ERG: variants seen among roughly 807,000 people sequenced by gnomAD.
The protein encoded by ERG is ETS transcription factor ERG.
A neutral mutation model predicts 55.3 loss-of-function variants in ERG; 9 were observed. The ratio of observed to expected loss-of-function variants is 0.16; its 90% CI spans 0.10 to 0.28. ERG has a LOEUF of 0.28. Ranked by LOEUF, ERG falls within the 10% of genes least tolerant of loss-of-function variation. The pLI, the probability that ERG is intolerant of heterozygous loss-of-function variation, is 1.00. For missense variants in ERG, 434 were observed against 631.6 expected, an observed-to-expected ratio of 0.69 and a Z score of 3.35; for synonymous variants, 223 against 237.3, an observed-to-expected ratio of 0.94 and a Z score of 0.55.
chr21:38,493,690 G>A lies in ERG; in HGVS notation c.18+4673C>T, dbSNP rs117665812. On this transcript the variant is annotated intron_variant, in intron 1 of 9. Coordinates refer to ENST00000288319, the MANE Select transcript of ERG (RefSeq NM_182918.4). ...CAGCCTCGGCTCAGAACAGGACGAAGCCAACCCTCTCTGACCAGCACCACC... is the reference window on the plus strand; with the variant it reads ...CAGCCTCGGCTCAGAACAGGACGAAACCAACCCTCTCTGACCAGCACCACC... Among the ~76,000 whole-genome samples, 16 of 152,312 alleles carry A rather than the reference G, an allele frequency of 1.1e-4. No individual in the cohort carries two copies. The East Asian group carries it at 2.9e-3, about 28-fold the overall frequency.
intron 2 of ERG, among the ~76,000 whole-genome samples, chr21:38,443,605 A>G (rs904482485): frequency 6.6e-6 from 1 of 152,208 alleles, no homozygotes. Flanking sequence ...TCAGAAATAT[A>G]TATAGTTAAT....
At chr21:38,454,710 C>G (rs1402974581) in intron 1 of ERG, among the ~76,000 whole-genome samples, 2 of 152,208 alleles carry the variant, frequency 1.3e-5, no homozygotes, top group Non-Finnish European at 2.9e-5. Flanking sequence ...TGTGAACCAT[C>G]AGAATTATCC....
At chr21:38,557,703 T>C (rs2059866740) in intron 2 of ERG, among the ~76,000 whole-genome samples, 1 of 152,142 alleles carries the variant, frequency 6.6e-6, no homozygotes, top group South Asian at 2.1e-4. Flanking sequence ...AAAGATAAAA[T>C]CCTAACCACA....
At chr21:38,418,577 T>G (rs1368926246) in intron 3 of ERG, among the ~76,000 whole-genome samples, 1 of 152,016 alleles carries the variant, frequency 6.6e-6, no homozygotes, top group Non-Finnish European at 1.5e-5. Flanking sequence ...ATGTGTATTT[T>G]TAATCATAAA....
chr21:38,395,591 A>G (rs2146438357), intron 6 of ERG: 1 of 186,200 alleles, frequency 5.4e-6, no homozygotes, highest in East Asian at 8.6e-5. Flanking sequence ...CTGTGTTTAA[A>G]AACTGAGCTT....
intron 3 of ERG, among the ~76,000 whole-genome samples, chr21:38,407,894 GAATA>G: frequency 6.9e-6 from 1 of 145,540 alleles, no homozygotes; most frequent in Admixed American, 6.9e-5. Flanking sequence ...AATATATATA[GAATA>G]TATACTTACA....
chr21:38,592,571 CTGTGTGTGTGTGTGTGTG>C (rs56195027), intron 1 of ERG, among the ~76,000 whole-genome samples: 4 of 147,996 alleles, frequency 2.7e-5, no homozygotes, highest in African/African-American at 7.5e-5. Context: ...TCTCCCTTCA[CTGTGTGTGTGTGTGTGTG>C]TGTGTGTGTG....
At chr21:38,412,802 G>C (rs1308200865) in intron 3 of ERG, among the ~76,000 whole-genome samples, 1 of 152,152 alleles carries the variant, frequency 6.6e-6, no homozygotes, top group Admixed American at 6.5e-5. Context: ...GGTTGGGGGA[G>C]ATCTCTCTTC....
At chr21:38,586,708 C>A (rs1018374348), upstream of ERG, among the ~76,000 whole-genome samples, 1 of 152,138 alleles carries the variant, frequency 6.6e-6, no homozygotes, top group African/African-American at 2.4e-5. Context: ...ATATGTTTTA[C>A]AAATGTACTA....
At chr21:38,468,768 G>A (rs1324133015) in intron 1 of ERG, among the ~76,000 whole-genome samples, 6 of 151,958 alleles carry the variant, frequency 3.9e-5, no homozygotes, top group Admixed American at 1.3e-4. Flanking sequence ...GGCGGATCAC[G>A]AGGTCAGGAG....
At chr21:38,509,134 A>G (rs776248964) in intron 2 of ERG, among the ~76,000 whole-genome samples, 69 of 152,316 alleles carry the variant, frequency 4.5e-4, no homozygotes, top group Admixed American at 2.3e-3. Flanking sequence ...CCCTGGAACC[A>G]TGAGAGATTC....
chr21:38,576,307 C>A (rs2146866133), intron 1 of ERG, among the ~76,000 whole-genome samples: 1 of 152,268 alleles, frequency 6.6e-6, no homozygotes, highest in South Asian at 2.1e-4. Flanking sequence ...AGCTGTCATT[C>A]CCATTGTCCA....
chr21:38,585,518 T>TC (rs1305883970), upstream of ERG, among the ~76,000 whole-genome samples: 2 of 142,434 alleles, frequency 1.4e-5, no homozygotes, highest in East Asian at 2.1e-4. Context: ...CAAAATCCAG[T>TC]CCCTCTCTCT....
intron 2 of ERG, among the ~76,000 whole-genome samples, chr21:38,440,326 G>T (rs73439007): frequency 0.062 from 9,468 of 152,260 alleles, 607 homozygotes; most frequent in African/African-American, 0.15. Flanking sequence ...TCCTCCAGAG[G>T]CAGGCAGCCA....
chr21:38,535,499 T>C (rs1375779512), intron 2 of ERG, among the ~76,000 whole-genome samples: 2 of 152,220 alleles, frequency 1.3e-5, no homozygotes, highest in Non-Finnish European at 2.9e-5. Context: ...AAACCCACTG[T>C]ACATCTTACA....
chr21:38,445,391 G>C lies in ERG; in HGVS notation c.236+13C>G. 6.2e-7 allele frequency: 1 copy of C among 1,604,078 alleles called. No homozygotes were observed. Among genetic ancestry groups the C allele is most frequent in the South Asian group, 1.1e-5 (1 of 90,776 alleles). On this transcript the variant is annotated intron_variant, in intron 2 of 9. Coordinates refer to ENST00000288319, the MANE Select transcript of ERG (RefSeq NM_182918.4). ...GGGAGGTCAGGGAGAGAAAGGGGCG[G>C]AAGTCTCCTTACCTTGAGCCATTCA...
At chr21:38,551,374 C>A (rs534302284) in intron 2 of ERG, among the ~76,000 whole-genome samples, 12 of 151,962 alleles carry the variant, frequency 7.9e-5, no homozygotes, top group Admixed American at 2.0e-4. Flanking sequence ...TTGGTTATTT[C>A]TTTTCTTCTG....
chr21:38,404,389 C>T (rs1284993202), intron 3 of ERG, among the ~76,000 whole-genome samples: 1 of 152,148 alleles, frequency 6.6e-6, no homozygotes, highest in African/African-American at 2.4e-5. Context: ...CACAGCTGGC[C>T]ATGGCGAGCA....
At chr21:38,378,849 A>G (rs368229363), downstream of ERG, among the ~76,000 whole-genome samples, 16 of 152,374 alleles carry the variant, frequency 1.1e-4, no homozygotes, top group African/African-American at 2.6e-4. Context: ...TTTGGAATTA[A>G]CTAGCCCTGG....
Sources: allele counts gnomAD v4.1 joint callset (sites outside exome capture counted in the v4.1 genomes callset), GRCh38; gene constraint gnomAD v4.1.1; transcripts MANE v1.5; gene names NCBI Gene and HGNC (gene_info 2026-07-23, HGNC 2026-07-21).